The following LEF1 variants were observed in gnomAD, a reference collection of about 807,000 sequenced individuals.
LEF1 encodes lymphoid enhancer binding factor 1.
A neutral mutation model predicts 51.2 loss-of-function variants in LEF1; 14 were observed. That is an observed-to-expected ratio of 0.27 (90% CI 0.18 to 0.43). LEF1 has a LOEUF of 0.43. Ranked by LOEUF, LEF1 falls within the 20% of genes least tolerant of loss-of-function variation. The pLI is 1.00. For synonymous variants in LEF1, 185 were observed against 183.2 expected, an observed-to-expected ratio of 1.01 and a Z score of -0.08; for missense variants, 386 against 512.0, an observed-to-expected ratio of 0.75 and a Z score of 2.37.
At chr4:108,115,324 C>T (rs531053112) in intron 3 of LEF1, among the ~76,000 whole-genome samples, 40 of 152,218 alleles carry the variant, frequency 2.6e-4, no homozygotes, top group African/African-American at 9.6e-4. Flanking sequence ...AGATATAATT[C>T]GGTTTAATAC....
At chr4:108,098,548 ATTTTAG>A (rs959212066) in intron 3 of LEF1, among the ~76,000 whole-genome samples, 5 of 152,196 alleles carry the variant, frequency 3.3e-5, no homozygotes, top group Non-Finnish European at 5.9e-5. Flanking sequence ...CATTTGCCTT[ATTTTAG>A]TTTAAGTAAA....
chr4:108,133,807 T>G (rs1015970046), intron 3 of LEF1, among the ~76,000 whole-genome samples: 8 of 152,216 alleles, frequency 5.3e-5, no homozygotes, highest in Non-Finnish European at 1.2e-4. Context: ...ATGAATGATC[T>G]GTGTCTGAGA....
At chr4:108,066,674 G>A (rs554409201) in intron 9 of LEF1, among the ~76,000 whole-genome samples, 9 of 152,264 alleles carry the variant, frequency 5.9e-5, no homozygotes, top group Non-Finnish European at 1.2e-4. Flanking sequence ...TTTATGATAG[G>A]CAAAGAGAAC....
At chr4:108,050,348 G>A (rs892549931) in intron 11 of LEF1, among the ~76,000 whole-genome samples, 6 of 152,160 alleles carry the variant, frequency 3.9e-5, no homozygotes, top group East Asian at 1.9e-4. Flanking sequence ...TGGTGGAGCC[G>A]GAAGTGCAGG....
At chr4:108,165,770 G>C (rs180725613) in intron 1 of LEF1, among the ~76,000 whole-genome samples, 45 of 152,162 alleles carry the variant, frequency 3.0e-4, no homozygotes, top group African/African-American at 9.7e-4. Context: ...GAAAATTAGA[G>C]AGTCAGGTTA....
chr4:108,053,018 A>G (rs533063812), intron 11 of LEF1, among the ~76,000 whole-genome samples: 3 of 152,152 alleles, frequency 2.0e-5, no homozygotes, highest in African/African-American at 7.2e-5. Flanking sequence ...AACTCTCAAC[A>G]TGTGTTCTCT....
At chr4:108,083,083 C>T (rs979770117) in intron 5 of LEF1, 5 of 434,864 alleles carry the variant, frequency 1.1e-5, no homozygotes, top group Admixed American at 3.9e-5. Context: ...ATAGCAAATG[C>T]CCAAAGCCAC....
At chr4:108,166,861 G>A (rs1030244364) in intron 1 of LEF1, 5 of 976,360 alleles carry the variant, frequency 5.1e-6, no homozygotes, top group Non-Finnish European at 1.2e-6. Flanking sequence ...GGTACAGCCA[G>A]GGTGTACCCT....
chr4:108,107,651 T>C (rs538292030), intron 3 of LEF1, among the ~76,000 whole-genome samples: 1 of 152,328 alleles, frequency 6.6e-6, no homozygotes, highest in African/African-American at 2.4e-5. Context: ...CCTATGTTGC[T>C]GTCAAGGAAG....
At chr4:108,092,917 T>TAAAAAAAAAAAAAA (rs71592104) in intron 3 of LEF1, among the ~76,000 whole-genome samples, 11 of 31,140 alleles carry the variant, frequency 3.5e-4, no homozygotes, top group African/African-American at 1.2e-3. Flanking sequence ...AATGAATATG[T>TAAAAAAAAAAAAAA]AAAAAAAAAA....
chr4:108,068,527 A>G (rs934644933), intron 9 of LEF1, among the ~76,000 whole-genome samples: 13 of 152,208 alleles, frequency 8.5e-5, no homozygotes, highest in Non-Finnish European at 7.3e-5. Flanking sequence ...AGAATTTAAG[A>G]CAGTTCCTAA....
rs572428757 is a variant in LEF1, at chr4:108,053,735, G to A, written c.*7-4984C>T. Among the ~76,000 whole-genome samples, 10 of 152,284 alleles carry A rather than the reference G, an allele frequency of 6.6e-5. No individual in the cohort carries two copies. The South Asian group carries it at 1.9e-3, about 28-fold the overall frequency. ...TGGTAGGCCAGACCTCCTGGTGCAG[G>A]TCATGACCGCTAGATCCTTCCTACC... On this transcript the variant is annotated intron_variant, in intron 11 of 11. Transcript: ENST00000265165.
chr4:108,089,311 T>C, intron 3 of LEF1, 54 bp from the exon 4 acceptor site: 10 of 1,571,386 alleles, frequency 6.4e-6, no homozygotes, highest in Non-Finnish European at 8.6e-6. Flanking sequence ...CTCCAGTCTT[T>C]TCTCCCAAAG....
At chr4:108,134,966 G>T (rs1437509753) in intron 3 of LEF1, among the ~76,000 whole-genome samples, 1 of 152,218 alleles carries the variant, frequency 6.6e-6, no homozygotes, top group East Asian at 1.9e-4. Context: ...CATATGACAA[G>T]AAAATGGAAG....
At chr4:108,072,515 G>A (rs1266960027) in intron 8 of LEF1, among the ~76,000 whole-genome samples, 4 of 152,190 alleles carry the variant, frequency 2.6e-5, no homozygotes, top group Non-Finnish European at 4.4e-5. Flanking sequence ...GAGGATAGAT[G>A]ATTTATTGTT....
chr4:108,048,830 A>G (rs1391779745), intron 11 of LEF1, 79 bp from the exon 12 acceptor site: 8 of 951,404 alleles, frequency 8.4e-6, no homozygotes, highest in Non-Finnish European at 1.2e-5. Context: ...TCCATACCAT[A>G]TATGTCTTAC....
chr4:108,069,570 G>A (rs1738316281), intron 9 of LEF1, among the ~76,000 whole-genome samples: 1 of 152,198 alleles, frequency 6.6e-6, no homozygotes, highest in Admixed American at 6.5e-5. Flanking sequence ...CCAGTTTTAA[G>A]TAGTCTGTGG....
At chr4:108,078,618 C>A (rs1003226280) in intron 7 of LEF1, among the ~76,000 whole-genome samples, 7 of 152,048 alleles carry the variant, frequency 4.6e-5, no homozygotes, top group Non-Finnish European at 7.4e-5. Context: ...AGAATAAAAC[C>A]CTTTGGTTTG....
intron 3 of LEF1, among the ~76,000 whole-genome samples, chr4:108,140,965 CT>C (rs1259240228): frequency 6.6e-6 from 1 of 152,116 alleles, no homozygotes; most frequent in Admixed American, 6.5e-5. Context: ...AAACATAATG[CT>C]TTTTTGAGAC....
Sources: gnomAD v4.1 joint callset for allele counts (sites outside exome capture counted in the v4.1 genomes callset) on GRCh38, gnomAD v4.1.1 for gene constraint, MANE v1.5 for transcripts, NCBI Gene and HGNC (gene_info 2026-07-23, HGNC 2026-07-21) for gene names.